The following MEGF11 variants were observed in gnomAD, a reference collection of about 807,000 sequenced individuals.
The protein encoded by MEGF11 is multiple epidermal growth factor-like domains protein 11.
A neutral mutation model predicts 146.6 loss-of-function variants in MEGF11; 126 were observed. The observed-to-expected ratio is 0.86, with a 90% CI of 0.74 to 1.00. The LOEUF (loss-of-function observed/expected upper bound fraction) is 1.00, where lower values mean the gene tolerates loss of function less well. Among genes scored for constraint, MEGF11 ranks in the 50% least tolerant of loss-of-function variants. The probability of loss-of-function intolerance (pLI) is 0.00; values close to 1 mark genes in which losing one functional copy is unlikely to be tolerated. For missense variants in MEGF11, 1,509 were observed against 1,521.2 expected (o/e 0.99, Z 0.13); for synonymous variants, 532 against 583.4 (o/e 0.91, Z 1.27).
intron 1 of MEGF11, among the ~76,000 whole-genome samples, chr15:66,134,993 C>T (rs892946461): frequency 1.3e-4 from 20 of 152,232 alleles, no homozygotes; most frequent in Admixed American, 3.9e-4. Context: ...TCGAATCCTA[C>T]CCTTGCCTTC....
Position 66,040,850 on chromosome 15 carries a change from A to G in MEGF11, c.394+53552T>C, listed in dbSNP as rs551316458. Among the ~76,000 whole-genome samples the G allele has an allele frequency of 1.5e-3, 233 of 151,962 alleles. 3 individuals carry two copies. Among genetic ancestry groups the G allele is most frequent in the Non-Finnish European group, 4.6e-4 (31 of 68,006 alleles). On this transcript the variant is annotated intron_variant, in intron 5 of 25. Coordinates refer to ENST00000395614, the MANE Select transcript of MEGF11 (RefSeq NM_001385028.1). ...CTCAAGGTACCTGGCCAAGGGGAAAATGGGGCTGAAATCTAGTCCTCAACT... is the reference window on the plus strand; with the variant it reads ...CTCAAGGTACCTGGCCAAGGGGAAAGTGGGGCTGAAATCTAGTCCTCAACT...
intron 6 of MEGF11, 104 bp from the exon 7 acceptor site, chr15:65,981,002 T>C: frequency 1.5e-6 from 2 of 1,374,246 alleles, no homozygotes; most frequent in Non-Finnish European, 1.9e-6. Flanking sequence ...TTAATGGATC[T>C]GTATTAGGCA....
intron 5 of MEGF11, among the ~76,000 whole-genome samples, chr15:66,037,822 G>A (rs1295180208): frequency 6.6e-6 from 1 of 152,220 alleles, no homozygotes; most frequent in Non-Finnish European, 1.5e-5. Context: ...TCTGGCTGCT[G>A]CCCACTGTGT....
intron 5 of MEGF11, among the ~76,000 whole-genome samples, chr15:66,061,171 G>A (rs141476893): frequency 6.6e-6 from 1 of 152,198 alleles, no homozygotes; most frequent in Non-Finnish European, 1.5e-5. Context: ...TCAAAACCTG[G>A]GGACCTTTTG....
chr15:66,106,843 C>T (rs918517039), intron 4 of MEGF11, among the ~76,000 whole-genome samples: 19 of 152,178 alleles, frequency 1.2e-4, no homozygotes, highest in African/African-American at 4.6e-4. Flanking sequence ...TCCAGTTCAA[C>T]TAAGACTAGG....
chr15:66,206,615 C>T (rs1235288910), intron 1 of MEGF11, among the ~76,000 whole-genome samples: 4 of 152,106 alleles, frequency 2.6e-5, no homozygotes, highest in African/African-American at 9.7e-5. Flanking sequence ...AAAAAACTCA[C>T]TAGAGGCCAG....
chr15:66,193,583 T>C (rs1389120653), intron 1 of MEGF11, among the ~76,000 whole-genome samples: 1 of 152,008 alleles, frequency 6.6e-6, no homozygotes, highest in Non-Finnish European at 1.5e-5. Context: ...CCACCAAACA[T>C]AGATCAAAAA....
At chr15:66,209,456 T>G (rs72744502) in intron 1 of MEGF11, among the ~76,000 whole-genome samples, 8,441 of 152,252 alleles carry the variant, frequency 0.055, 300 homozygotes, top group Middle Eastern at 0.082. Context: ...CAAAAGCCTA[T>G]ACAAGAATGT....
chr15:65,934,014 C>A (rs979920366), intron 10 of MEGF11, among the ~76,000 whole-genome samples: 3 of 152,144 alleles, frequency 2.0e-5, no homozygotes, highest in African/African-American at 7.2e-5. Context: ...CTTTTTATCA[C>A]CTTCTCTGGG....
intron 1 of MEGF11, among the ~76,000 whole-genome samples, chr15:66,141,205 T>TGG (rs757349472): frequency 4.6e-5 from 7 of 150,560 alleles, no homozygotes; most frequent in Non-Finnish European, 8.9e-5. Flanking sequence ...GCCAAGCTTC[T>TGG]GGGATGTCTC....
intron 5 of MEGF11, among the ~76,000 whole-genome samples, chr15:66,068,814 C>T (rs755715234): frequency 6.6e-6 from 1 of 152,154 alleles, no homozygotes; most frequent in East Asian, 1.9e-4. Context: ...TGTGCAAAGT[C>T]CCCTACCCTA....
intron 5 of MEGF11, among the ~76,000 whole-genome samples, chr15:65,998,797 G>A (rs1596972032): frequency 6.6e-6 from 1 of 152,294 alleles, no homozygotes; most frequent in South Asian, 2.1e-4. Context: ...AATGGTGTGA[G>A]GTTAATGACC....
chr15:65,906,483 C>G (rs1250195762), intron 23 of MEGF11: 1 of 213,902 alleles, frequency 4.7e-6, no homozygotes. Context: ...GATGCCATTC[C>G]CTGCAGGTGA....
chr15:66,012,149 A>T (rs1218506752), intron 5 of MEGF11, among the ~76,000 whole-genome samples: 1 of 152,210 alleles, frequency 6.6e-6, no homozygotes, highest in Non-Finnish European at 1.5e-5. Context: ...GCTTGAACCC[A>T]GGAATTTGAG....
intron 1 of MEGF11, 157 bp from the exon 2 acceptor site, chr15:66,128,568 T>A (rs755511583): frequency 7.0e-6 from 3 of 430,576 alleles, no homozygotes; most frequent in Non-Finnish European, 1.2e-5. Context: ...AACAGGAGAG[T>A]GGGAAGCCTG....
At chr15:66,201,619 C>G (rs2091159662) in intron 1 of MEGF11, among the ~76,000 whole-genome samples, 1 of 151,920 alleles carries the variant, frequency 6.6e-6, no homozygotes, top group African/African-American at 2.4e-5. Context: ...TGCCGACACC[C>G]TGACATGTGG....
intron 2 of MEGF11, among the ~76,000 whole-genome samples, chr15:66,125,544 T>C (rs1385939854): frequency 6.6e-6 from 1 of 152,224 alleles, no homozygotes; most frequent in Non-Finnish European, 1.5e-5. Context: ...TTGACTCATA[T>C]AAGCCTCTGT....
Position 66,119,066 on chromosome 15 carries a change from C to G in MEGF11, c.301+20G>C. ...CCTCCCTTCCCCACTGAGGGCAGAA[C>G]AGCAGCAGCCCCTACATACGTATGC... On this transcript the variant is annotated intron_variant, in intron 4 of 25. Transcript: ENST00000395614. 1 of 1,497,136 alleles carries G rather than the reference C, an allele frequency of 6.7e-7. No homozygotes were observed. Among genetic ancestry groups the G allele is most frequent in the Non-Finnish European group, 9.1e-7 (1 of 1,099,474 alleles). The allele number at this position is 1,497,136 out of a possible 1,614,324, so 92.7% of individuals were successfully genotyped here. A position where few individuals can be genotyped will look rare whatever the true frequency, so the allele number is the denominator to read the frequency against.
At chr15:65,899,177 TATTA>T (rs546469930) in intron 24 of MEGF11, among the ~76,000 whole-genome samples, 1 of 152,230 alleles carries the variant, frequency 6.6e-6, no homozygotes, top group Non-Finnish European at 1.5e-5. Flanking sequence ...AGTAGTTGGG[TATTA>T]ATTCAAGATA....
Sources: allele counts gnomAD v4.1 joint callset (sites outside exome capture counted in the v4.1 genomes callset), GRCh38; gene constraint gnomAD v4.1.1; transcripts MANE v1.5; gene names NCBI Gene and HGNC (gene_info 2026-07-23, HGNC 2026-07-21).